The following URI1 variants were observed in gnomAD, a reference collection of about 807,000 sequenced individuals.
URI1 encodes URI1 prefoldin like chaperone.
Under a neutral mutation model 60.2 loss-of-function variants are expected in URI1, and 39 were observed. The observed-to-expected ratio is 0.65, with a 90% CI of 0.50 to 0.85. The LOEUF (loss-of-function observed/expected upper bound fraction) is 0.85. URI1 is among the 40% of genes least tolerant of loss of function. The probability of loss-of-function intolerance (pLI) is 0.00; values close to 1 mark genes in which losing one functional copy is unlikely to be tolerated. For synonymous variants in URI1, 251 were observed against 236.8 expected, an observed-to-expected ratio of 1.06 and a Z score of -0.55; for missense variants, 691 against 665.9, an observed-to-expected ratio of 1.04 and a Z score of -0.42.
At chr19:30,012,716 A>G (rs1427805873) in intron 10 of URI1, 185 bp downstream of exon 10, 19 of 693,798 alleles carry the variant, frequency 2.7e-5, no homozygotes, top group Non-Finnish European at 3.6e-5. Context: ...TTATTTTTTG[A>G]TAAACACATT....
chr19:29,986,252 T>C, intron 3 of URI1, 30 bp from the exon 4 acceptor site: 8 of 1,534,548 alleles, frequency 5.2e-6, no homozygotes, highest in Non-Finnish European at 7.0e-6. Context: ...TTTATGTTTT[T>C]TCCCTTTTTT....
chr19:29,994,764 A>T, intron 4 of URI1, among the ~76,000 whole-genome samples: 1 of 151,536 alleles, frequency 6.6e-6, no homozygotes, highest in Admixed American at 6.6e-5. Context: ...TTGCTGGATC[A>T]TATGGAAATT....
intron 1 of URI1, among the ~76,000 whole-genome samples, chr19:29,962,969 C>T (rs571580393): frequency 1.3e-5 from 2 of 152,306 alleles, no homozygotes; most frequent in East Asian, 3.9e-4. Flanking sequence ...TTAGCTCTAG[C>T]TCTAAGTCTT....
In URI1 at chr19:30,009,102, A is replaced by G. The variant is rs1165213845; in HGVS notation, c.784A>G (p.Thr262Ala). 6.2e-7 allele frequency: 1 copy of G among 1,614,024 alleles called. No individual in the cohort carries two copies. Among genetic ancestry groups the G allele is most frequent in the Non-Finnish European group, 8.5e-7 (1 of 1,179,952 alleles). ...NTNVNAMHQV[T>A]DSHTPCHKDV... ...AAATGTGAATGCGATGCATCAAGTA[A>G]CAGACTCTCATACTCCTTGTCATAA... is the stretch of plus-strand genomic sequence containing the variant. Residue 262 changes from threonine (T) to alanine (A), a missense_variant, in exon 8 of 11, where the codon ACA becomes GCA. Thr to Ala is a moderately conservative substitution (Grantham distance 58). Transcript: ENST00000392271.
upstream of URI1, among the ~76,000 whole-genome samples, chr19:29,939,841 G>T (rs186147920): frequency 2.0e-5 from 3 of 152,282 alleles, no homozygotes; most frequent in African/African-American, 7.2e-5. Context: ...AATTGTTGTG[G>T]TTGGCTTGAG....
intron 1 of URI1, among the ~76,000 whole-genome samples, chr19:29,935,515 C>T (rs1034060010): frequency 2.6e-5 from 4 of 151,584 alleles, no homozygotes; most frequent in African/African-American, 9.7e-5. Context: ...TTTTTTTTCT[C>T]ATCATGGCTT....
At chr19:30,003,616 G>A (rs1033087838) in intron 4 of URI1, among the ~76,000 whole-genome samples, 5 of 151,886 alleles carry the variant, frequency 3.3e-5, no homozygotes, top group African/African-American at 9.7e-5. Flanking sequence ...TCTTACATGC[G>A]TGAGTTATGA....
intron 1 of URI1, among the ~76,000 whole-genome samples, chr19:29,944,140 C>CATATATATATATATATATAT (rs56329506): frequency 1.1e-4 from 4 of 37,122 alleles, no homozygotes; most frequent in South Asian, 8.1e-4. Context: ...CCCTGTCATT[C>CATATATATATATATATATAT]ATATATATAT....
At chr19:29,962,264 T>C (rs1278437106) in intron 1 of URI1, among the ~76,000 whole-genome samples, 6 of 139,028 alleles carry the variant, frequency 4.3e-5, no homozygotes, top group Non-Finnish European at 9.2e-5. Flanking sequence ...TTTTCTCTGC[T>C]TTTTTTTTTT....
At chr19:30,010,921 A>G (rs1270609211) in intron 8 of URI1, among the ~76,000 whole-genome samples, 173 bp from the exon 9 acceptor site, 1 of 152,216 alleles carries the variant, frequency 6.6e-6, no homozygotes, top group African/African-American at 2.4e-5. Context: ...TCATAGATCT[A>G]TGAGATAAGG....
chr19:29,932,520 A>T (rs1445435926), intron 1 of URI1, among the ~76,000 whole-genome samples: 3 of 151,586 alleles, frequency 2.0e-5, no homozygotes, highest in Non-Finnish European at 4.4e-5. Flanking sequence ...TTTCACCATA[A>T]TGGCCAGGCT....
Position 29,997,623 on chromosome 19 carries a change from A to G in URI1, c.368-7738A>G, listed in dbSNP as rs2055828772. ...CTTTCTTTTTTTTCCAGTTTCTTAA[A>G]GTGTACAGTGAAGTTACTGATTTGA... is the stretch of plus-strand genomic sequence containing the variant. On this transcript the variant is annotated intron_variant, in intron 4 of 10. Transcript: ENST00000392271. Among the ~76,000 whole-genome samples the G allele has an allele frequency of 2.0e-5, 3 of 151,806 alleles. No homozygotes were observed. In the South Asian group the frequency reaches 6.2e-4, roughly 32 times the overall value.
Position 30,009,348 on chromosome 19 carries a change from A to G in URI1, c.1030A>G (p.Lys344Glu), listed in dbSNP as rs1299668206. 1 of 1,611,632 alleles carries G rather than the reference A, an allele frequency of 6.2e-7. No homozygotes were observed. The change falls in exon 8 of 11, where the codon AAG becomes GAG. Residue 344 changes from lysine to glutamate, a missense_variant. Coordinates refer to ENST00000392271, the MANE Select transcript of URI1 (RefSeq NM_003796.3). ...ATATTTTTCACATACTGTTGAGCCT[A>G]AGAGGGTTTGTATACTTTTAACTTT... is the stretch of plus-strand genomic sequence containing the variant. ...TIYFSHTVEPKRVRINTGKNT... is the reference protein window; with the variant it reads ...TIYFSHTVEPERVRINTGKNT...
At chr19:29,925,549 T>G (rs1328628295) in intron 1 of URI1, 1 of 152,228 alleles carries the variant, frequency 6.6e-6, no homozygotes, top group Non-Finnish European at 1.5e-5. Context: ...CTGTGAGGTT[T>G]TAATGAATGA....
At chr19:29,932,532 G>T (rs2145199374) in intron 1 of URI1, among the ~76,000 whole-genome samples, 1 of 152,048 alleles carries the variant, frequency 6.6e-6, no homozygotes, top group Non-Finnish European at 1.5e-5. Flanking sequence ...GGCCAGGCTT[G>T]TCTTGAACTC....
intron 6 of URI1, among the ~76,000 whole-genome samples, 156 bp downstream of exon 6, chr19:30,005,864 A>G (rs553356578): frequency 9.9e-5 from 15 of 152,116 alleles, no homozygotes; most frequent in South Asian, 6.2e-4. Flanking sequence ...TTTATGTGAA[A>G]CATTAATGGA....
intron 1 of URI1, among the ~76,000 whole-genome samples, chr19:29,924,261 C>A (rs960251479): frequency 6.6e-6 from 1 of 152,088 alleles, no homozygotes; most frequent in African/African-American, 2.4e-5. Context: ...ATCTGGGTAT[C>A]CCTTAACCCA....
chr19:30,016,444 A>G lies in URI1; in HGVS notation c.*1375A>G, dbSNP rs373586378. On this transcript the variant is annotated 3_prime_UTR_variant, in exon 11 of 11. Transcript: ENST00000392271. ...CCCCAACCCTCACCAAAACCAAAGC[A>G]GAAATTACACACACAAAGATGCTCC... 2.0e-5 allele frequency: 3 copies of G among 152,292 alleles called. No individual in the cohort carries two copies. Among genetic ancestry groups the G allele is most frequent in the African/African-American group, 4.8e-5 (2 of 41,586 alleles). 9.4% of individuals were successfully genotyped at this position (152,292 alleles called of 1,614,324 possible). A position where few individuals can be genotyped will look rare whatever the true frequency, so the allele number is the denominator to read the frequency against.
chr19:29,979,300 A>G (rs1474234543), intron 2 of URI1, among the ~76,000 whole-genome samples: 1 of 152,140 alleles, frequency 6.6e-6, no homozygotes, highest in African/African-American at 2.4e-5. Context: ...TTACATATAA[A>G]CTCATCAGTA....
Sources: gnomAD v4.1 joint callset for allele counts (sites outside exome capture counted in the v4.1 genomes callset) on GRCh38, gnomAD v4.1.1 for gene constraint, MANE v1.5 for transcripts, NCBI Gene and HGNC (gene_info 2026-07-23, HGNC 2026-07-21) for gene names.